Variants in KIF3C observed in about 807,000 individuals in gnomAD.
The protein encoded by KIF3C is kinesin family member 3C, also known as kinesin-like protein KIF3C.
KIF3C carries 12 observed loss-of-function variants against 67.7 expected under a neutral mutation model. The observed-to-expected ratio is 0.18, with a 90% confidence interval of 0.11 to 0.29. The LOEUF is 0.29. Among genes scored for constraint, KIF3C ranks in the 10% least tolerant of loss-of-function variants. The probability of loss-of-function intolerance (pLI) is 1.00; values close to 1 mark genes in which losing one functional copy is unlikely to be tolerated. For missense variants in KIF3C, 789 were observed against 1,059.6 expected (o/e 0.74, Z 3.55); for synonymous variants, 393 against 426.2 (o/e 0.92, Z 0.96).
chr2:25,937,512 G>C lies in KIF3C; in HGVS notation c.2007-7449C>G, dbSNP rs568228982. On this transcript the variant is annotated intron_variant, in intron 5 of 7. Transcript: ENST00000264712. ...GCCTCAGTGGCAGTGGCAGCAAGGA[G>C]ACAGTCCTGCTGCAGACGCTGCTGG... Among the ~76,000 whole-genome samples the C allele has an allele frequency of 2.0e-4, 31 of 152,336 alleles. No homozygotes were observed. The South Asian group carries it at 6.4e-3, about 32-fold the overall frequency.
At chr2:25,948,919 A>C (rs1185926475) in intron 5 of KIF3C, among the ~76,000 whole-genome samples, 1 of 152,162 alleles carries the variant, frequency 6.6e-6, no homozygotes, top group Non-Finnish European at 1.5e-5. Flanking sequence ...AAACTGCTAA[A>C]CTCAAGTCAA....
At chr2:25,963,196 A>ATATATAT (rs1190713944) in intron 1 of KIF3C, among the ~76,000 whole-genome samples, 1 of 43,326 alleles carries the variant, frequency 2.3e-5, no homozygotes, top group African/African-American at 1.4e-4. Context: ...ATATATATAT[A>ATATATAT]TTTTTTTTTT....
At chr2:25,948,742 A>AAGGGAGGG (rs375139696) in intron 5 of KIF3C, among the ~76,000 whole-genome samples, 1 of 141,346 alleles carries the variant, frequency 7.1e-6, no homozygotes, top group African/African-American at 2.5e-5. Context: ...GGAAGGAATG[A>AAGGGAGGG]AGGGAGGGAG....
At chr2:25,970,143 G>A (rs1664240880) in intron 1 of KIF3C, among the ~76,000 whole-genome samples, 1 of 152,196 alleles carries the variant, frequency 6.6e-6, no homozygotes, top group East Asian at 1.9e-4. Context: ...GGGCTTATTA[G>A]TCAGGGATCT....
chr2:25,931,023 C>T (rs887041332), intron 5 of KIF3C, among the ~76,000 whole-genome samples: 3 of 152,090 alleles, frequency 2.0e-5, no homozygotes, highest in Admixed American at 1.3e-4. Flanking sequence ...TTGTCTTATA[C>T]ATCTCATGTA....
chr2:25,976,689 A>G (rs77852469), intron 1 of KIF3C, among the ~76,000 whole-genome samples: 17,992 of 152,168 alleles, frequency 0.12, 1,345 homozygotes, highest in African/African-American at 0.2. Context: ...TGAACCCGGG[A>G]GGCAGGGTTG....
In KIF3C at chr2:25,980,905, A is replaced by G; in HGVS notation, c.1013T>C (p.Met338Thr). Residue 338 changes from methionine to threonine, a missense_variant, in exon 1 of 8, where the codon ATG (methionine) becomes ACG (threonine). Met to Thr is a moderately conservative substitution (Grantham distance 81). This residue lies in a region of KIF3C where 648 missense variants were observed against 807.8 expected (regional missense o/e 0.80). Coordinates refer to ENST00000264712, the MANE Select transcript of KIF3C (RefSeq NM_002254.8). The surrounding 1 kb of genome is among the most constrained non-coding windows in gnomAD (Gnocchi z 7.6). Reference protein sequence around the residue: ...DSLGGNAKTIMVATLGPASHS... With the variant: ...DSLGGNAKTITVATLGPASHS... ...AGAAGCTGGCCCCAGTGTGGCTACC[A>G]TGATGGTCTTGGCATTCCCCCCCAG... 6.2e-7 allele frequency: 1 copy of G among 1,614,136 alleles called. No homozygotes were observed.
Position 25,955,767 on chromosome 2 carries a change from T to C in KIF3C, c.1648-104A>G. The C allele has an allele frequency of 7.2e-7, 1 of 1,386,686 alleles. No homozygotes were observed. Among genetic ancestry groups the C allele is most frequent in the Non-Finnish European group, 1.0e-6 (1 of 1,003,898 alleles). 85.9% of individuals were successfully genotyped at this position (1,386,686 alleles called of 1,614,324 possible). A position where few individuals can be genotyped will look rare whatever the true frequency, so the allele number is the denominator to read the frequency against. On this transcript the variant is annotated intron_variant, in intron 2 of 7. Transcript: ENST00000264712. This position sits in a 1 kb window ranked among gnomAD's most constrained non-coding sequence, Gnocchi z 5.0. The stretch of plus-strand genomic sequence containing the variant: ...ACTCTGCCTGTCTCGGGACCTGGCT[T>C]CACCATGGCCCATGGCCCACATCCA...
chr2:25,979,692 C>T (rs891330761), intron 1 of KIF3C, among the ~76,000 whole-genome samples: 1 of 152,144 alleles, frequency 6.6e-6, no homozygotes, highest in Non-Finnish European at 1.5e-5. Flanking sequence ...CCCAGGGGAC[C>T]ATTTTCCCAG....
At position 25,950,912 on chromosome 2, in the gene KIF3C, GAAGAA is replaced by G. The variant is rs1179568342; in HGVS notation, c.2006+872_2006+876del. 1.2e-3 allele frequency among the ~76,000 whole-genome samples: 180 copies of G among 148,656 alleles called. 1 individual carries two copies. Among genetic ancestry groups the G allele is most frequent in the African/African-American group, 4.2e-3 (169 of 40,434 alleles). Reference sequence around the variant, plus strand: ...TAGTTGTTAAAAAAAAAAAAAAGAAGAAGAAAAGAAAAGGAAGAAAGGAAAAAAAA... The same window carrying G: ...TAGTTGTTAAAAAAAAAAAAAAGAAGAAGAAAAGGAAGAAAGGAAAAAAAA... On this transcript the variant is annotated intron_variant, in intron 5 of 7. Transcript: ENST00000264712.
rs1559560506 is a variant in KIF3C, at chr2:25,981,471, G to A, written c.447C>T (p.Tyr149=). The change falls in exon 1 of 8, where the codon TAC becomes TAT. Residue 149 remains tyrosine, a synonymous_variant. Transcript: ENST00000264712. This position sits in a 1 kb window ranked among gnomAD's most constrained non-coding sequence, Gnocchi z 8.2. ...AGAGCAGGTCTCGAATCTCTTCCTG[G>A]TAGATCTCCAAATAGGAGGCCCGGA... ...YLVRASYLEI[Y]QEEIRDLLSK... 1 of 1,613,940 alleles carries A rather than the reference G, an allele frequency of 6.2e-7. No individual in the cohort carries two copies. Among genetic ancestry groups the A allele is most frequent in the African/African-American group, 1.3e-5 (1 of 74,856 alleles).
At chr2:25,943,821 C>T (rs74424507) in intron 5 of KIF3C, among the ~76,000 whole-genome samples, 12,882 of 151,238 alleles carry the variant, frequency 0.085, 796 homozygotes, top group African/African-American at 0.16. Flanking sequence ...GCCAAGATTG[C>T]GCAATTGCAC....
chr2:25,975,826 T>C (rs894056966), intron 1 of KIF3C, among the ~76,000 whole-genome samples: 4 of 151,738 alleles, frequency 2.6e-5, no homozygotes, highest in Admixed American at 2.6e-4. Context: ...GGCGTGGTGG[T>C]GGGCGCCTGT....
chr2:25,948,579 A>G (rs1226715726), intron 5 of KIF3C, among the ~76,000 whole-genome samples: 1 of 151,336 alleles, frequency 6.6e-6, no homozygotes, highest in African/African-American at 2.4e-5. Flanking sequence ...AAGGAAGAAA[A>G]TAAAGAAAGG....
rs1207447041 is a variant in KIF3C, at chr2:25,963,174, G to GTGTATATATATA, written c.1546-6731_1546-6730insTATATATATACA. 2.0e-3 allele frequency among the ~76,000 whole-genome samples: 70 copies of GTGTATATATATA among 34,300 alleles called. 3 individuals are homozygous for GTGTATATATATA. The highest frequency in any genetic ancestry group is 3.4e-3 in the East Asian group (1 of 296). The allele number at this position is 34,300 out of a possible 152,430, so 22.5% of individuals were successfully genotyped here. On this transcript the variant is annotated intron_variant, in intron 1 of 7. Transcript: ENST00000264712. The stretch of plus-strand genomic sequence containing the variant: ...TGTGTGTGTGTATGTATGTGTGTGT[G>GTGTATATATATA]TATATATATATATATATATATATTT...
chr2:25,965,766 C>T (rs1349802733), intron 1 of KIF3C, among the ~76,000 whole-genome samples: 5 of 151,830 alleles, frequency 3.3e-5, no homozygotes, highest in Non-Finnish European at 5.9e-5. Context: ...AGAGAACTTC[C>T]CTGAAGCTCT....
chr2:25,967,817 C>T (rs551291043), intron 1 of KIF3C, among the ~76,000 whole-genome samples: 29 of 152,204 alleles, frequency 1.9e-4, no homozygotes, highest in African/African-American at 7.0e-4. Flanking sequence ...CAGAGTGAGA[C>T]CCTGTCTCAA....
At chr2:25,935,250 A>C (rs146851115) in intron 5 of KIF3C, among the ~76,000 whole-genome samples, 4,378 of 152,076 alleles carry the variant, frequency 0.029, 85 homozygotes, top group Non-Finnish European at 0.043. Flanking sequence ...TCTTAAAAAA[A>C]AATAAATAAT....
intron 1 of KIF3C, among the ~76,000 whole-genome samples, chr2:25,976,161 G>A (rs549890311): frequency 6.6e-6 from 1 of 152,252 alleles, no homozygotes; most frequent in Non-Finnish European, 1.5e-5. Context: ...GTGGGAGAAA[G>A]CAGGACCCAC....
Sources: allele counts gnomAD v4.1 joint callset (sites outside exome capture counted in the v4.1 genomes callset), GRCh38; gene constraint gnomAD v4.1.1; regional missense constraint gnomAD v4.1.1; non-coding constraint Gnocchi (gnomAD v3.1); transcripts MANE v1.5; gene names NCBI Gene and HGNC (gene_info 2026-07-23, HGNC 2026-07-21).